KLHL25: variants seen among roughly 807,000 people sequenced by gnomAD.
The protein encoded by KLHL25 is kelch-like protein 25.
KLHL25 carries 41 observed loss-of-function variants against 30.0 expected under a neutral mutation model. The ratio of observed to expected loss-of-function variants is 1.37; its 90% CI spans 1.07 to 1.78. The LOEUF (loss-of-function observed/expected upper bound fraction) is 1.78, where lower values mean the gene tolerates loss of function less well. Ranked by LOEUF, KLHL25 falls within the 40% of genes most tolerant of loss-of-function variation. The pLI is 0.00. For synonymous variants in KLHL25, 399 were observed against 355.3 expected (o/e 1.12, Z -1.38); for missense variants, 971 against 824.5 (o/e 1.18, Z -2.18).
chr15:85,794,709 C>CG (rs550783141), intron 1 of KLHL25, 57 bp downstream of exon 1: 1 of 152,238 alleles, frequency 6.6e-6, no homozygotes, highest in East Asian at 2.0e-4. Flanking sequence ...GCGCAGGGAG[C>CG]GGGGGCGCGG....
chr15:85,782,521 C>A (rs895998676), intron 1 of KLHL25, among the ~76,000 whole-genome samples: 26 of 151,766 alleles, frequency 1.7e-4, no homozygotes, highest in Admixed American at 1.6e-3. Flanking sequence ...AGCTCTCCCC[C>A]TCCCTTCCTC....
chr15:85,769,382 G>T lies in KLHL25; in HGVS notation c.429C>A (p.Asn143Lys), dbSNP rs749201508. 1.2e-6 allele frequency: 2 copies of T among 1,614,164 alleles called. No homozygotes were observed. Among genetic ancestry groups the T allele is most frequent in the East Asian group, 2.2e-5 (1 of 44,876 alleles). Residue 143 changes from asparagine to lysine, a missense_variant, in exon 2 of 3, where the codon AAC becomes AAA. Transcript: ENST00000337975. ...RDAAAEFLEK[N>K]LFPSNCLGMM... ...TGCCCAGGCAGTTGGAGGGGAAAAGGTTCTTCTCCAGGAACTCGGCGGCAG... is the reference window on the plus strand; with the variant it reads ...TGCCCAGGCAGTTGGAGGGGAAAAGTTTCTTCTCCAGGAACTCGGCGGCAG...
rs770452813 is a variant in KLHL25, at chr15:85,769,697, C to T, written c.114G>A (p.Thr38=). 33 of 1,613,816 alleles carry T rather than the reference C, an allele frequency of 2.0e-5. No individual in the cohort carries two copies. The highest frequency in any genetic ancestry group is 2.5e-5 in the Non-Finnish European group (30 of 1,180,036). ...HPDCVLAHLN[T]LRKHCMFTDV... is the part of the protein sequence containing the mutation. The stretch of plus-strand genomic sequence containing the variant: ...CGGTGAACATGCAGTGCTTGCGAAG[C>T]GTGTTGAGGTGGGCCAGCACACAGT... The change falls in exon 2 of 3, where the codon ACG becomes ACA. Residue 38 remains threonine, a synonymous_variant. Transcript: ENST00000337975.
In KLHL25 at chr15:85,768,850, T is replaced by C; in HGVS notation, c.961A>G (p.Ile321Val). The change falls in exon 2 of 3, where the codon ATC (isoleucine) becomes GTC (valine). Residue 321 changes from isoleucine (I) to valine (V), a missense_variant. Physicochemically the swap from Ile to Val is conservative, Grantham distance 29. Coordinates refer to ENST00000337975, the MANE Select transcript of KLHL25 (RefSeq NM_022480.4). ...GGGCTGGGCAGGTCGGCCTTGGGGA[T>C]GATCTCCTTGGCCTTGTGGTCCACC... Reference protein sequence around the residue: ...YQVDHKAKEIIPKADLPSPRK... With the variant: ...YQVDHKAKEIVPKADLPSPRK... 6.2e-7 allele frequency: 1 copy of C among 1,613,388 alleles called. No individual in the cohort carries two copies. The highest frequency in any genetic ancestry group is 1.1e-5 in the South Asian group (1 of 91,090).
intron 1 of KLHL25, among the ~76,000 whole-genome samples, chr15:85,775,140 G>A (rs899194337): frequency 6.6e-6 from 1 of 152,194 alleles, no homozygotes; most frequent in African/African-American, 2.4e-5. Flanking sequence ...GCCTCCCAAA[G>A]TGCTGGGATT....
At chr15:85,787,787 C>G (rs765381867) in intron 1 of KLHL25, among the ~76,000 whole-genome samples, 8 of 152,162 alleles carry the variant, frequency 5.3e-5, no homozygotes, top group Admixed American at 2.6e-4. Flanking sequence ...TATGTAAACA[C>G]AAAATCTGCA....
At chr15:85,767,762 C>A (rs1208078533) in intron 2 of KLHL25, among the ~76,000 whole-genome samples, 2 of 152,206 alleles carry the variant, frequency 1.3e-5, no homozygotes, top group Non-Finnish European at 2.9e-5. Flanking sequence ...TGAAGTATAA[C>A]CATGTTTGGG....
intron 2 of KLHL25, chr15:85,762,910 CT>C: frequency 6.6e-6 from 1 of 152,550 alleles, no homozygotes; most frequent in Non-Finnish European, 1.5e-5. Flanking sequence ...TGAGCTCGGC[CT>C]TTCCCAGAGC....
chr15:85,791,194 C>CCAAAAA (rs1555471179), intron 1 of KLHL25, among the ~76,000 whole-genome samples: 20 of 118,918 alleles, frequency 1.7e-4, no homozygotes, highest in South Asian at 3.2e-4. Flanking sequence ...GACTCAGTCT[C>CCAAAAA]AAAAAAAAAA....
chr15:85,767,659 A>G (rs2089633762), intron 2 of KLHL25, among the ~76,000 whole-genome samples: 1 of 152,100 alleles, frequency 6.6e-6, no homozygotes, highest in South Asian at 2.1e-4. Context: ...TGGTGTCAAA[A>G]GTAAGAGCAG....
At chr15:85,767,590 T>TG (rs2089633379) in intron 2 of KLHL25, among the ~76,000 whole-genome samples, 1 of 152,228 alleles carries the variant, frequency 6.6e-6, no homozygotes, top group African/African-American at 2.4e-5. Context: ...CAGCGACTTC[T>TG]ATAAGTCTTT....
chr15:85,770,170 G>A (rs1299927714), intron 1 of KLHL25, among the ~76,000 whole-genome samples: 3 of 152,206 alleles, frequency 2.0e-5, no homozygotes, highest in Non-Finnish European at 2.9e-5. Flanking sequence ...TGGTGTCCGG[G>A]CAGTGCTAAG....
At position 85,768,559 on chromosome 15, in the gene KLHL25, C is replaced by T. The variant is rs1197298969; in HGVS notation, c.1252G>A (p.Asp418Asn). 5.0e-6 allele frequency: 8 copies of T among 1,613,196 alleles called. No homozygotes were observed. Among genetic ancestry groups the T allele is most frequent in the South Asian group, 1.1e-5 (1 of 91,032 alleles). The stretch of plus-strand genomic sequence containing the variant: ...ATCATCCACTTGTTGGCCCCAGGGT[C>T]GTATTTCTCCACTTGTTTCAGGGAG... Reference protein sequence around the residue: ...SVSLKQVEKYDPGANKWMMVA... With the variant: ...SVSLKQVEKYNPGANKWMMVA... The change falls in exon 2 of 3, where the codon GAC (aspartate) becomes AAC (asparagine). Residue 418 changes from aspartate to asparagine, a missense_variant. Physicochemically the swap from Asp to Asn is conservative, Grantham distance 23. Transcript: ENST00000337975.
intron 1 of KLHL25, among the ~76,000 whole-genome samples, chr15:85,779,047 T>C (rs1240376128): frequency 7.2e-6 from 1 of 139,544 alleles, no homozygotes; most frequent in Non-Finnish European, 1.5e-5. Context: ...CACCAACAAT[T>C]TTTTTTTTTT....
At chr15:85,781,315 T>A (rs2089741628) in intron 1 of KLHL25, among the ~76,000 whole-genome samples, 1 of 152,230 alleles carries the variant, frequency 6.6e-6, no homozygotes, top group Non-Finnish European at 1.5e-5. Flanking sequence ...ATCGGCCATT[T>A]GGAAAACATC....
At chr15:85,774,886 T>TTC (rs1212911995) in intron 1 of KLHL25, among the ~76,000 whole-genome samples, 6 of 150,846 alleles carry the variant, frequency 4.0e-5, no homozygotes, top group Non-Finnish European at 8.9e-5. Context: ...TTTTCTTTTT[T>TTC]TTTTTTTTGA....
intron 1 of KLHL25, among the ~76,000 whole-genome samples, chr15:85,787,010 T>C (rs2089785444): frequency 6.6e-6 from 1 of 152,128 alleles, no homozygotes; most frequent in Non-Finnish European, 1.5e-5. Context: ...CAGCACTCAA[T>C]AAACTTTGAT....
At chr15:85,782,894 T>G (rs2430833) in intron 1 of KLHL25, among the ~76,000 whole-genome samples, 74,669 of 151,746 alleles carry the variant, frequency 0.49, 18,468 homozygotes, top group South Asian at 0.53. Flanking sequence ...CTCAAGGACA[T>G]TGTTCTGTGT....
At chr15:85,781,200 C>T (rs923454629) in intron 1 of KLHL25, among the ~76,000 whole-genome samples, 5 of 152,128 alleles carry the variant, frequency 3.3e-5, no homozygotes, top group Admixed American at 2.6e-4. Flanking sequence ...GCCCGTATCC[C>T]AGCCCGTATC....
Sources: gnomAD v4.1 joint callset for allele counts (sites outside exome capture counted in the v4.1 genomes callset) on GRCh38, gnomAD v4.1.1 for gene constraint, MANE v1.5 for transcripts, NCBI Gene and HGNC (gene_info 2026-07-23, HGNC 2026-07-21) for gene names.